Variants in ADD3 observed in about 807,000 individuals in gnomAD.
ADD3 encodes adducin 3.
In ADD3, 25 loss-of-function variants were observed where a neutral mutation model predicts 80.2. The observed-to-expected ratio is 0.31, with a 90% CI of 0.23 to 0.44. The LOEUF is 0.44. Among genes scored for constraint, ADD3 ranks in the 20% least tolerant of loss-of-function variants. The pLI, the probability that ADD3 is intolerant of heterozygous loss-of-function variation, is 1.00. For synonymous variants in ADD3, 284 were observed against 289.6 expected (o/e 0.98, Z 0.20); for missense variants, 829 against 847.5 (o/e 0.98, Z 0.27).
intron 11 of ADD3, 143 bp from the exon 12 acceptor site, chr10:110,126,274 T>C: frequency 3.1e-6 from 2 of 648,798 alleles, no homozygotes; most frequent in East Asian, 5.5e-5. Context: ...GTTAGGATGG[T>C]AAAAGAGGTC....
intron 3 of ADD3, among the ~76,000 whole-genome samples, chr10:110,115,370 CAA>C (rs1281355707): frequency 6.6e-6 from 1 of 151,072 alleles, no homozygotes; most frequent in Non-Finnish European, 1.5e-5. Flanking sequence ...ACCTGGGCAA[CAA>C]GAGTGAAACT....
At chr10:110,068,598 T>C (rs1175678255) in intron 1 of ADD3, among the ~76,000 whole-genome samples, 3 of 152,230 alleles carry the variant, frequency 2.0e-5, no homozygotes, top group African/African-American at 7.2e-5. Context: ...TAGGGACAGC[T>C]GTACATATAC....
At chr10:110,069,814 TAA>T (rs1221507165) in intron 1 of ADD3, among the ~76,000 whole-genome samples, 1 of 152,190 alleles carries the variant, frequency 6.6e-6, no homozygotes, top group East Asian at 1.9e-4. Flanking sequence ...AAGCATTGTT[TAA>T]AAAAGAATAT....
chr10:110,006,381 G>C (rs1156767635), upstream of ADD3, among the ~76,000 whole-genome samples: 2 of 152,116 alleles, frequency 1.3e-5, no homozygotes, highest in Non-Finnish European at 2.9e-5. Flanking sequence ...CTTGATGCAT[G>C]CAAAGCTTTT....
rs370072648 is a variant in ADD3 at position 110,110,355 on chromosome 10, C to G, written c.196-2422C>G. ...TGAGGGAGACACACTAGAGTCTGTT[C>G]AGTCCACCACTGCCACTGTACTTCC... On this transcript the variant is annotated intron_variant, in intron 2 of 14. Transcript: ENST00000356080. Among the ~76,000 whole-genome samples the G allele has an allele frequency of 2.3e-4, 35 of 152,304 alleles. No homozygotes were observed. In the East Asian group the frequency reaches 2.9e-3, roughly 13 times the overall value.
intron 1 of ADD3, among the ~76,000 whole-genome samples, chr10:110,100,218 C>G (rs1489797568): frequency 6.6e-6 from 1 of 152,028 alleles, no homozygotes; most frequent in African/African-American, 2.4e-5. Flanking sequence ...GGCATGGTGG[C>G]ACGCGCCTGT....
intron 1 of ADD3, chr10:109,997,555 GGA>G (rs1212841437): frequency 6.6e-6 from 1 of 152,140 alleles, no homozygotes; most frequent in Non-Finnish European, 1.5e-5. Flanking sequence ...TCCTTCTGAA[GGA>G]CCCCTTCACA....
chr10:110,060,370 T>C (rs151170974), intron 1 of ADD3, among the ~76,000 whole-genome samples: 38 of 152,112 alleles, frequency 2.5e-4, no homozygotes, highest in African/African-American at 8.9e-4. Flanking sequence ...AAATATGGAG[T>C]GTGTGTGCTG....
At chr10:110,071,262 A>G (rs2133644053) in intron 1 of ADD3, among the ~76,000 whole-genome samples, 1 of 152,336 alleles carries the variant, frequency 6.6e-6, no homozygotes, top group East Asian at 1.9e-4. Flanking sequence ...TCAAAGCAAA[A>G]GTAACATTTT....
At chr10:110,019,098 A>G (rs1242334090) in intron 1 of ADD3, among the ~76,000 whole-genome samples, 3 of 152,206 alleles carry the variant, frequency 2.0e-5, no homozygotes, top group Non-Finnish European at 2.9e-5. Flanking sequence ...TGTTTGCCTA[A>G]TGCTAGAGCA....
intron 1 of ADD3, among the ~76,000 whole-genome samples, chr10:110,092,264 CA>C (rs1847618888): frequency 6.6e-6 from 1 of 152,094 alleles, no homozygotes; most frequent in Non-Finnish European, 1.5e-5. Context: ...GACACAAGCG[CA>C]AATATGTTCA....
intron 1 of ADD3, among the ~76,000 whole-genome samples, chr10:110,072,538 C>T (rs1028373080): frequency 1.3e-5 from 2 of 152,018 alleles, no homozygotes; most frequent in Non-Finnish European, 2.9e-5. Flanking sequence ...GAGGCTTTAC[C>T]GGGTGGAGGC....
chr10:110,132,355 C>G lies in ADD3; in HGVS notation c.1783C>G (p.Gln595Glu). 1 of 1,613,924 alleles carries G rather than the reference C, an allele frequency of 6.2e-7. No homozygotes were observed. Reference protein sequence around the residue: ...SDDASSVSQIQSQTQSPQNVP... With the variant: ...SDDASSVSQIESQTQSPQNVP... The stretch of plus-strand genomic sequence containing the variant: ...TGACGCTTCATCTGTTTCACAAATT[C>G]AGTCTCAAACTCAGTCACCGCAAAA... Residue 595 changes from glutamine to glutamate, a missense_variant, in exon 14 of 15, where the codon CAG becomes GAG. Gln to Glu is a conservative substitution (Grantham distance 29). Coordinates refer to ENST00000356080, the MANE Select transcript of ADD3 (RefSeq NM_016824.5).
Position 110,116,242 on chromosome 10 carries a change from A to C in ADD3, c.335-17A>C. ...TTGCATGACTCGTATCTCTCTCCACATTTTTTGCTCTTTTAGGTCTTGGCA... is the reference window on the plus strand; with the variant it reads ...TTGCATGACTCGTATCTCTCTCCACCTTTTTTGCTCTTTTAGGTCTTGGCA... On this transcript the variant is annotated splice_polypyrimidine_tract_variant and intron_variant, in intron 3 of 14. Coordinates refer to ENST00000356080, the MANE Select transcript of ADD3 (RefSeq NM_016824.5). 6.2e-7 allele frequency: 1 copy of C among 1,612,508 alleles called. No individual in the cohort carries two copies. Among genetic ancestry groups the C allele is most frequent in the Non-Finnish European group, 8.5e-7 (1 of 1,179,244 alleles).
intron 1 of ADD3, among the ~76,000 whole-genome samples, chr10:110,019,184 T>C (rs1427571411): frequency 2.0e-5 from 3 of 152,304 alleles, no homozygotes; most frequent in South Asian, 2.1e-4. Context: ...ATACGAGATA[T>C]GACCATTTCA....
chr10:110,098,690 C>A (rs556093542), intron 1 of ADD3, among the ~76,000 whole-genome samples: 1 of 151,368 alleles, frequency 6.6e-6, no homozygotes, highest in South Asian at 2.1e-4. Context: ...AGTGCAATGG[C>A]GTGATCTCAG....
intron 2 of ADD3, among the ~76,000 whole-genome samples, chr10:110,108,054 C>T (rs1849584753): frequency 6.6e-6 from 1 of 152,052 alleles, no homozygotes; most frequent in South Asian, 2.1e-4. Context: ...ATCTTCTAAC[C>T]AGTTCTTCTC....
upstream of ADD3, among the ~76,000 whole-genome samples, chr10:110,003,250 A>G (rs550424652): frequency 2.0e-5 from 3 of 151,922 alleles, no homozygotes; most frequent in East Asian, 1.9e-4. Context: ...ATATTTCCCA[A>G]CCCAAGGGAA....
At chr10:110,017,173 G>A (rs1302229042) in intron 1 of ADD3, among the ~76,000 whole-genome samples, 1 of 152,198 alleles carries the variant, frequency 6.6e-6, no homozygotes, top group Non-Finnish European at 1.5e-5. Flanking sequence ...TAAGCACTAT[G>A]CTATATACTG....
Sources: allele counts gnomAD v4.1 joint callset (sites outside exome capture counted in the v4.1 genomes callset), GRCh38; gene constraint gnomAD v4.1.1; transcripts MANE v1.5; gene names NCBI Gene and HGNC (gene_info 2026-07-23, HGNC 2026-07-21).